The following UPP2 variants were observed in gnomAD, a reference collection of about 807,000 sequenced individuals.
UPP2 encodes the protein uridine phosphorylase 2.
In UPP2, 23 loss-of-function variants were observed where a neutral mutation model predicts 26.7. That is an observed-to-expected ratio of 0.86 (90% CI 0.62 to 1.22). The LOEUF is 1.22. Among genes scored for constraint, UPP2 ranks in the 50% most tolerant of loss-of-function variants. The pLI, the probability that UPP2 is intolerant of heterozygous loss-of-function variation, is 0.00. For synonymous variants in UPP2, 127 were observed against 141.3 expected, an observed-to-expected ratio of 0.90 and a Z score of 0.72; for missense variants, 387 against 396.7, an observed-to-expected ratio of 0.98 and a Z score of 0.21.
chr2:158,044,021 G>T (rs943034511), intron 3 of UPP2, among the ~76,000 whole-genome samples: 28 of 152,246 alleles, frequency 1.8e-4, no homozygotes, highest in African/African-American at 6.7e-4. Flanking sequence ...GCCCATAAAA[G>T]GTGCTCAACA....
rs141467898 is a variant in UPP2, at chr2:158,113,307, G to A, written c.181-1794G>A. The stretch of plus-strand genomic sequence containing the variant: ...ACAATGAGGTTATTTTCAAACTACC[G>A]TACTGTGTTAAAAAATTTCCTTGGA... On this transcript the variant is annotated intron_variant, in intron 2 of 6. Coordinates refer to ENST00000005756, the MANE Select transcript of UPP2 (RefSeq NM_173355.4). Among the ~76,000 whole-genome samples, 13 of 152,260 alleles carry A rather than the reference G, an allele frequency of 8.5e-5. 1 individual carries two copies. In the East Asian group the frequency reaches 2.1e-3, roughly 25 times the overall value.
intron 2 of UPP2, among the ~76,000 whole-genome samples, chr2:158,012,408 C>T (rs1683595909): frequency 6.6e-6 from 1 of 151,234 alleles, no homozygotes; most frequent in Non-Finnish European, 1.5e-5. Flanking sequence ...GCTGCGATTA[C>T]AGGCACGTGC....
At chr2:158,093,306 A>ACACACACACACACAC in intron 3 of UPP2, among the ~76,000 whole-genome samples, 2 of 147,310 alleles carry the variant, frequency 1.4e-5, no homozygotes, top group African/African-American at 5.0e-5. Flanking sequence ...ACACACACAC[A>ACACACACACACACAC]ATTAGAAAAA....
chr2:158,044,294 G>C (rs1317716843), intron 3 of UPP2, among the ~76,000 whole-genome samples: 1 of 152,178 alleles, frequency 6.6e-6, no homozygotes, highest in African/African-American at 2.4e-5. Flanking sequence ...CAGGCAAGTT[G>C]ACCATAGTGG....
chr2:158,100,839 C>T (rs1318936361), upstream of UPP2, among the ~76,000 whole-genome samples: 1 of 152,122 alleles, frequency 6.6e-6, no homozygotes, highest in African/African-American at 2.4e-5. Context: ...TATAGAGTCC[C>T]CTATTCTTTT....
At chr2:158,009,795 C>T (rs769664185) in intron 2 of UPP2, among the ~76,000 whole-genome samples, 7 of 152,210 alleles carry the variant, frequency 4.6e-5, no homozygotes, top group Non-Finnish European at 8.8e-5. Flanking sequence ...CATTCTCCTG[C>T]GGGCTGCCTT....
At chr2:158,062,771 T>C (rs1438563935) in intron 3 of UPP2, among the ~76,000 whole-genome samples, 1 of 152,174 alleles carries the variant, frequency 6.6e-6, no homozygotes, top group African/African-American at 2.4e-5. Flanking sequence ...GACTATCCAA[T>C]GGATGAGGTG....
At chr2:158,066,086 C>A (rs1682430051) in intron 3 of UPP2, 2 of 251,276 alleles carry the variant, frequency 8.0e-6, no homozygotes, top group African/African-American at 2.3e-5. Flanking sequence ...GTCCCTGATG[C>A]TATTGCCTTG....
chr2:157,995,769 T>A (rs2105458917), intron 2 of UPP2, among the ~76,000 whole-genome samples: 1 of 152,288 alleles, frequency 6.6e-6, no homozygotes, highest in Admixed American at 6.5e-5. Flanking sequence ...TAATTTTTTG[T>A]AATCTGGATT....
chr2:158,026,187 G>A (rs1574251448), intron 3 of UPP2, among the ~76,000 whole-genome samples: 1 of 152,108 alleles, frequency 6.6e-6, no homozygotes, highest in Non-Finnish European at 1.5e-5. Flanking sequence ...TGTGGGAGAG[G>A]ATTCTAAGAG....
intron 2 of UPP2, among the ~76,000 whole-genome samples, chr2:158,009,655 G>C (rs911661370): frequency 6.6e-6 from 1 of 152,172 alleles, no homozygotes. Flanking sequence ...TCAACAGAAG[G>C]CTCCCAGTTT....
chr2:158,077,543 C>G (rs750018225), intron 3 of UPP2, among the ~76,000 whole-genome samples: 1 of 151,658 alleles, frequency 6.6e-6, no homozygotes. Flanking sequence ...ACATTGATGA[C>G]AAGACAGTCT....
At chr2:158,057,686 T>C (rs1165287263) in intron 3 of UPP2, among the ~76,000 whole-genome samples, 1 of 152,132 alleles carries the variant, frequency 6.6e-6, no homozygotes, top group East Asian at 1.9e-4. Context: ...ATTCTTTATG[T>C]TTTTTAACCT....
At chr2:158,037,102 T>C (rs559097477) in intron 3 of UPP2, among the ~76,000 whole-genome samples, 30 of 152,200 alleles carry the variant, frequency 2.0e-4, no homozygotes, top group Admixed American at 7.9e-4. Context: ...TGGCTGGGTG[T>C]GGTGGCTCAC....
chr2:158,050,569 G>C (rs964828303), intron 3 of UPP2, among the ~76,000 whole-genome samples: 1 of 151,932 alleles, frequency 6.6e-6, no homozygotes, highest in African/African-American at 2.4e-5. Flanking sequence ...AGGCTGAGGC[G>C]GGAAGATCCC....
intron 3 of UPP2, among the ~76,000 whole-genome samples, chr2:158,069,424 G>C (rs1433490446): frequency 6.6e-6 from 1 of 152,214 alleles, no homozygotes; most frequent in Non-Finnish European, 1.5e-5. Context: ...GGCTCCTGCA[G>C]TGTGGGCAGC....
chr2:158,022,457 CAA>C (rs11385969), intron 3 of UPP2, among the ~76,000 whole-genome samples: 53 of 87,826 alleles, frequency 6.0e-4, no homozygotes, highest in Admixed American at 9.6e-4. Flanking sequence ...AGACTTGTCT[CAA>C]AAAAAAAAAA....
At chr2:158,079,973 T>G (rs1377810044) in intron 3 of UPP2, among the ~76,000 whole-genome samples, 1 of 152,158 alleles carries the variant, frequency 6.6e-6, no homozygotes, top group Admixed American at 6.6e-5. Context: ...AGTCTCACTG[T>G]CTGGGGGAAG....
rs1683902707 is a variant in UPP2 at position 158,135,014 on chromosome 2, T to C, written c.*124T>C. On this transcript the variant is annotated 3_prime_UTR_variant, in exon 7 of 7. Coordinates refer to ENST00000005756, the MANE Select transcript of UPP2 (RefSeq NM_173355.4). ...ATCCACATGCTAAATGGAAAGACTT[T>C]ATGAAATCCTTCTCTCTTAAAAAGG... is the stretch of plus-strand genomic sequence containing the variant. The C allele has an allele frequency of 4.4e-6, 5 of 1,140,902 alleles. No homozygotes were observed. Among genetic ancestry groups the C allele is most frequent in the Admixed American group, 3.5e-5 (1 of 28,650 alleles). 70.7% of individuals were successfully genotyped at this position (1,140,902 alleles called of 1,614,324 possible).
Sources: allele counts gnomAD v4.1 joint callset (sites outside exome capture counted in the v4.1 genomes callset), GRCh38; gene constraint gnomAD v4.1.1; transcripts MANE v1.5; gene names NCBI Gene and HGNC (gene_info 2026-07-23, HGNC 2026-07-21).